The following PRICKLE1 variants were observed in gnomAD, a reference collection of about 807,000 sequenced individuals.
PRICKLE1 encodes the protein prickle-like protein 1.
Under a neutral mutation model 70.2 loss-of-function variants are expected in PRICKLE1, and 14 were observed. The ratio of observed to expected loss-of-function variants is 0.20; its 90% CI spans 0.13 to 0.31. PRICKLE1 has a LOEUF of 0.31. Among genes scored for constraint, PRICKLE1 ranks in the 10% least tolerant of loss-of-function variants. The pLI is 1.00. For missense variants in PRICKLE1, 821 were observed against 1,026.2 expected (o/e 0.80, Z 2.73); for synonymous variants, 357 against 379.9 (o/e 0.94, Z 0.70).
intron 1 of PRICKLE1, among the ~76,000 whole-genome samples, chr12:42,539,928 A>AT (rs1207387723): frequency 6.6e-6 from 1 of 152,208 alleles, no homozygotes; most frequent in Non-Finnish European, 1.5e-5. Context: ...TTACAATCTA[A>AT]TGTCCTGGAG....
At chr12:42,573,163 T>C (rs1340024248) in intron 1 of PRICKLE1, among the ~76,000 whole-genome samples, 1 of 152,186 alleles carries the variant, frequency 6.6e-6, no homozygotes, top group Non-Finnish European at 1.5e-5. Flanking sequence ...AATAAAATGC[T>C]CTGTGGAGTA....
intron 1 of PRICKLE1, among the ~76,000 whole-genome samples, chr12:42,545,861 A>AG (rs1215678998): frequency 7.0e-6 from 1 of 142,276 alleles, no homozygotes; most frequent in Non-Finnish European, 1.5e-5. Context: ...AAAAAGAAAA[A>AG]AAAAAAATAT....
intron 1 of PRICKLE1, among the ~76,000 whole-genome samples, chr12:42,559,194 G>C (rs1283715695): frequency 2.0e-5 from 3 of 152,046 alleles, no homozygotes; most frequent in Admixed American, 1.3e-4. Flanking sequence ...ATTTCAAACT[G>C]TTTCCTGGTG....
chr12:42,458,314 T>C lies in PRICKLE1; in HGVS notation c.*1495A>G, dbSNP rs1279757567. ...CTGAACACAGGCACAAAATGGAAGT[T>C]ATCTGGATACATTTGCAAAGATTTA... On this transcript the variant is annotated 3_prime_UTR_variant, in exon 8 of 8. Coordinates refer to ENST00000345127, the MANE Select transcript of PRICKLE1 (RefSeq NM_153026.3). 1 of 152,342 alleles carries C rather than the reference T, an allele frequency of 6.6e-6. No homozygotes were observed. The highest frequency in any genetic ancestry group is 2.4e-5 in the African/African-American group (1 of 41,584). 9.4% of individuals were successfully genotyped at this position (152,342 alleles called of 1,614,324 possible). A position where few individuals can be genotyped will look rare whatever the true frequency, so the allele number is the denominator to read the frequency against.
chr12:42,525,528 C>T (rs1209409257), intron 1 of PRICKLE1, among the ~76,000 whole-genome samples: 2 of 152,152 alleles, frequency 1.3e-5, no homozygotes, highest in African/African-American at 4.8e-5. Flanking sequence ...CTGCTGTTCT[C>T]TCCAGGTAGC....
intron 1 of PRICKLE1, among the ~76,000 whole-genome samples, chr12:42,558,238 A>C (rs752964495): frequency 1.4e-4 from 21 of 152,246 alleles, no homozygotes; most frequent in Non-Finnish European, 2.6e-4. Flanking sequence ...TAAGAAATAT[A>C]AAAGATTTTC....
rs768868836 is a variant in PRICKLE1 at position 42,488,922 on chromosome 12, C to CTTT, written c.-48-16361_-48-16359dup. The stretch of plus-strand genomic sequence containing the variant: ...GTAAACCTTTTCTCTATCAATCTAT[C>CTTT]TTTTTTTTTTTTTTTTTTAAGACAG... On this transcript the variant is annotated intron_variant, in intron 1 of 7. Transcript: ENST00000345127. Among the ~76,000 whole-genome samples, 210 of 130,892 alleles carry CTTT rather than the reference C, an allele frequency of 1.6e-3. 2 individuals carry two copies. The highest frequency in any genetic ancestry group is 5.7e-3 in the African/African-American group (195 of 34,372). 85.9% of individuals were successfully genotyped at this position (130,892 alleles called of 152,430 possible).
chr12:42,472,559 T>C lies in PRICKLE1; in HGVS notation c.-43A>G. The C allele has an allele frequency of 6.2e-7, 1 of 1,613,264 alleles. No homozygotes were observed. Among genetic ancestry groups the C allele is most frequent in the Non-Finnish European group, 8.5e-7 (1 of 1,179,370 alleles). Reference sequence around the variant, plus strand: ...TTCTCAGTCACAGGACATCAAACAATGGCTGCTGTGAACAATATAAGAAAA... The same window carrying C: ...TTCTCAGTCACAGGACATCAAACAACGGCTGCTGTGAACAATATAAGAAAA... On this transcript the variant is annotated 5_prime_UTR_variant, in exon 2 of 8. Coordinates refer to ENST00000345127, the MANE Select transcript of PRICKLE1 (RefSeq NM_153026.3).
Position 42,470,298 on chromosome 12 carries a change from T to C in PRICKLE1, c.194A>G (p.Glu65Gly). The C allele has an allele frequency of 6.2e-7, 1 of 1,614,136 alleles. No individual in the cohort carries two copies. The highest frequency in any genetic ancestry group is 8.5e-7 in the Non-Finnish European group (1 of 1,180,020). The change falls in exon 3 of 8, where the codon GAG (glutamate) becomes GGG (glycine). Residue 65 changes from glutamate to glycine, a missense_variant. Glu to Gly is a moderately conservative substitution (Grantham distance 98, BLOSUM62 -2). Transcript: ENST00000345127. ...CAAAAGCTGTTTAATCCGATGCTTC[T>C]CTCCGGGGCTGTTAACGTAAGGAAC... ...EKVPYVNSPG[E>G]KHRIKQLLYQ...
chr12:42,509,234 G>A (rs999075936), intron 1 of PRICKLE1, among the ~76,000 whole-genome samples: 1 of 152,162 alleles, frequency 6.6e-6, no homozygotes, highest in Non-Finnish European at 1.5e-5. Flanking sequence ...CTAAATTCTC[G>A]ATCTCATCTG....
At chr12:42,502,561 T>G (rs1939334935) in intron 1 of PRICKLE1, among the ~76,000 whole-genome samples, 2 of 152,282 alleles carry the variant, frequency 1.3e-5, no homozygotes, top group African/African-American at 4.8e-5. Context: ...TCTTCCTGCC[T>G]TGGCCTCTCA....
intron 1 of PRICKLE1, among the ~76,000 whole-genome samples, chr12:42,505,902 A>G (rs1593143984): frequency 6.6e-6 from 1 of 152,234 alleles, no homozygotes; most frequent in Admixed American, 6.5e-5. Flanking sequence ...CATTTAATGT[A>G]GTCTCCATAG....
At chr12:42,497,641 T>C (rs900692862) in intron 1 of PRICKLE1, among the ~76,000 whole-genome samples, 2 of 151,802 alleles carry the variant, frequency 1.3e-5, no homozygotes, top group African/African-American at 4.8e-5. Context: ...ACATCAAAGG[T>C]CACTGATCAC....
intron 1 of PRICKLE1, among the ~76,000 whole-genome samples, chr12:42,495,035 T>C (rs1939170470): frequency 6.6e-6 from 1 of 150,954 alleles, no homozygotes; most frequent in Admixed American, 6.6e-5. Flanking sequence ...GCTAGGACTA[T>C]AGGCATGTGC....
intron 1 of PRICKLE1, among the ~76,000 whole-genome samples, chr12:42,579,478 G>A (rs1330920509): frequency 6.6e-6 from 1 of 152,152 alleles, no homozygotes; most frequent in Non-Finnish European, 1.5e-5. Context: ...GACCTGTTTA[G>A]CTACAGTTAA....
intron 1 of PRICKLE1, among the ~76,000 whole-genome samples, chr12:42,559,626 T>TATA (rs1244768967): frequency 3.7e-5 from 3 of 81,982 alleles, no homozygotes; most frequent in Non-Finnish European, 4.7e-5. Context: ...ATATATATAT[T>TATA]TTTTTTTTTT....
At chr12:42,534,722 C>T (rs1005210266) in intron 1 of PRICKLE1, among the ~76,000 whole-genome samples, 30 of 152,032 alleles carry the variant, frequency 2.0e-4, no homozygotes, top group African/African-American at 6.3e-4. Flanking sequence ...AAGTGTTACA[C>T]CCAGATGTTC....
intron 1 of PRICKLE1, among the ~76,000 whole-genome samples, chr12:42,531,880 A>G (rs574461129): frequency 6.6e-6 from 1 of 152,270 alleles, no homozygotes; most frequent in East Asian, 1.9e-4. Context: ...ATTTTTGCCC[A>G]GGTATGGTAA....
At chr12:42,472,755 G>C (rs1051059162) in intron 1 of PRICKLE1, among the ~76,000 whole-genome samples, 191 bp from the exon 2 acceptor site, 1 of 152,164 alleles carries the variant, frequency 6.6e-6, no homozygotes. Flanking sequence ...TAATTTGGTA[G>C]TAGTCTCTTT....
Sources: gnomAD v4.1 joint callset for allele counts (sites outside exome capture counted in the v4.1 genomes callset) on GRCh38, gnomAD v4.1.1 for gene constraint, MANE v1.5 for transcripts, NCBI Gene and HGNC (gene_info 2026-07-23, HGNC 2026-07-21) for gene names.